SNX29: variants seen among roughly 807,000 people sequenced by gnomAD.
SNX29 encodes sorting nexin-29.
In SNX29, 78 loss-of-function variants were observed where a neutral mutation model predicts 102.1. The ratio of observed to expected loss-of-function variants is 0.76; its 90% CI spans 0.64 to 0.92. The LOEUF is 0.92. Among genes scored for constraint, SNX29 ranks in the 40% least tolerant of loss-of-function variants. The probability of loss-of-function intolerance (pLI) is 0.00; values close to 1 mark genes in which losing one functional copy is unlikely to be tolerated. For missense variants in SNX29, 1,280 were observed against 1,061.7 expected (o/e 1.21, Z -2.86); for synonymous variants, 580 against 414.5 (o/e 1.40, Z -4.85).
intron 18 of SNX29, among the ~76,000 whole-genome samples, chr16:12,415,413 G>T (rs1391363093): frequency 6.6e-6 from 1 of 152,240 alleles, no homozygotes; most frequent in African/African-American, 2.4e-5. Context: ...CAGCATTTCT[G>T]ATGTATTTGG....
chr16:12,125,605 CTTTTTTTTTTTTTTTTTT>C (rs36212472), intron 11 of SNX29, among the ~76,000 whole-genome samples: 1,726 of 45,364 alleles, frequency 0.038, 44 homozygotes, highest in Non-Finnish European at 0.053. Context: ...TGAGATCTCT[CTTTTTTTTTTTTTTTTTT>C]TTTTTTTTTT....
chr16:12,023,304 A>C (rs888622641), intron 3 of SNX29, among the ~76,000 whole-genome samples: 5 of 151,866 alleles, frequency 3.3e-5, no homozygotes, highest in South Asian at 2.1e-4. Flanking sequence ...TGGTGTGATA[A>C]AATGGCAAGG....
intron 15 of SNX29, among the ~76,000 whole-genome samples, chr16:12,320,704 CAGTTT>C (rs1157181160): frequency 6.6e-6 from 1 of 152,118 alleles, no homozygotes; most frequent in Non-Finnish European, 1.5e-5. Context: ...TCAGGGAACT[CAGTTT>C]AGATAAATGA....
chr16:12,563,930 A>AC (rs1567212306), intron 20 of SNX29, among the ~76,000 whole-genome samples: 9 of 152,168 alleles, frequency 5.9e-5, no homozygotes, highest in African/African-American at 1.9e-4. Context: ...TACAATACCT[A>AC]GACGCTGATC....
Position 12,574,146 on chromosome 16 carries a change from C to A in SNX29, c.*5517C>A. ...AGGTTTACATAATAGGATTTTTAAA[C>A]AAATGTGTTTAATTTTTTAAGATCT... On this transcript the variant is annotated 3_prime_UTR_variant, in exon 21 of 21. Transcript: ENST00000566228. 5.5e-6 allele frequency: 1 copy of A among 182,392 alleles called. No homozygotes were observed. The highest frequency in any genetic ancestry group is 1.2e-5 in the Non-Finnish European group (1 of 85,610). 11.3% of individuals were successfully genotyped at this position (182,392 alleles called of 1,614,324 possible).
At chr16:12,239,723 G>A (rs1482363639) in intron 14 of SNX29, among the ~76,000 whole-genome samples, 1 of 151,356 alleles carries the variant, frequency 6.6e-6, no homozygotes, top group Non-Finnish European at 1.5e-5. Context: ...GGGAGGCTGA[G>A]GCAGGAGGAT....
intron 20 of SNX29, among the ~76,000 whole-genome samples, chr16:12,526,190 C>G (rs896238622): frequency 6.6e-6 from 1 of 152,128 alleles, no homozygotes; most frequent in Non-Finnish European, 1.5e-5. Context: ...AGTTTCCTGT[C>G]ACTGTAGCTG....
intron 19 of SNX29, among the ~76,000 whole-genome samples, chr16:12,483,475 G>A (rs866769965): frequency 2.6e-5 from 4 of 151,540 alleles, no homozygotes; most frequent in Non-Finnish European, 4.4e-5. Context: ...GTGCCACCAC[G>A]CCTGGTAATT....
At position 12,327,900 on chromosome 16, in the gene SNX29, A is replaced by G. The variant is rs554428228; in HGVS notation, c.1783-28263A>G. 1.7e-4 allele frequency among the ~76,000 whole-genome samples: 26 copies of G among 152,244 alleles called. No individual in the cohort carries two copies. The East Asian group carries it at 1.7e-3, about 10-fold the overall frequency. On this transcript the variant is annotated intron_variant, in intron 15 of 20. Coordinates refer to ENST00000566228, the MANE Select transcript of SNX29 (RefSeq NM_032167.5). ...CCAGGTGGACAGGGCCCTTCCTGCC[A>G]CCATCCTGCTCATGGCACCGTCCTG...
At chr16:12,247,278 G>A (rs772197055) in intron 14 of SNX29, among the ~76,000 whole-genome samples, 40 of 152,254 alleles carry the variant, frequency 2.6e-4, no homozygotes, top group South Asian at 4.1e-4. Flanking sequence ...AGTTCAAAGG[G>A]TATGGGAGAT....
At chr16:12,416,267 C>T (rs533141645) in intron 18 of SNX29, among the ~76,000 whole-genome samples, 3 of 152,222 alleles carry the variant, frequency 2.0e-5, no homozygotes, top group African/African-American at 2.4e-5. Flanking sequence ...CAAGCAGAGC[C>T]CCGGGGCTTG....
At chr16:12,519,418 C>G (rs1237997030) in intron 19 of SNX29, among the ~76,000 whole-genome samples, 2 of 152,172 alleles carry the variant, frequency 1.3e-5, no homozygotes, top group African/African-American at 2.4e-5. Context: ...TTTGAAAACT[C>G]AAACGTTTAA....
chr16:12,505,763 CA>C (rs61113263), intron 19 of SNX29, among the ~76,000 whole-genome samples: 11 of 75,862 alleles, frequency 1.5e-4, no homozygotes, highest in South Asian at 1.1e-3. Context: ...GTCAATTCTG[CA>C]AAAAAAAAAA....
intron 16 of SNX29, among the ~76,000 whole-genome samples, chr16:12,381,401 T>C (rs2083143999): frequency 1.9e-5 from 1 of 51,518 alleles, no homozygotes; most frequent in Non-Finnish European, 3.5e-5. Flanking sequence ...TCATCATCCA[T>C]CCACTCACCC....
At chr16:12,345,523 C>G (rs1257045563) in intron 15 of SNX29, among the ~76,000 whole-genome samples, 1 of 152,178 alleles carries the variant, frequency 6.6e-6, no homozygotes, top group Non-Finnish European at 1.5e-5. Context: ...TGGAGCACTT[C>G]CTTTTATTGC....
chr16:12,322,926 A>G (rs2080992296), intron 15 of SNX29, among the ~76,000 whole-genome samples: 1 of 137,362 alleles, frequency 7.3e-6, no homozygotes, highest in Non-Finnish European at 1.5e-5. Context: ...GTCACCGGGG[A>G]CCACTGTCAG....
intron 18 of SNX29, among the ~76,000 whole-genome samples, chr16:12,458,949 C>T (rs2086652633): frequency 6.6e-6 from 1 of 152,160 alleles, no homozygotes; most frequent in Non-Finnish European, 1.5e-5. Context: ...CAATTTTTTG[C>T]CTTATATAAG....
chr16:12,497,148 T>A (rs1488141715), intron 19 of SNX29, among the ~76,000 whole-genome samples: 1 of 152,218 alleles, frequency 6.6e-6, no homozygotes, highest in Non-Finnish European at 1.5e-5. Context: ...ACAAGGGCTC[T>A]GGGGAGGACA....
intron 20 of SNX29, among the ~76,000 whole-genome samples, chr16:12,540,815 G>C (rs1352736938): frequency 2.0e-5 from 3 of 152,200 alleles, no homozygotes; most frequent in Non-Finnish European, 4.4e-5. Flanking sequence ...AGGCATGAGA[G>C]AAGGGGCAAA....
Sources: allele counts gnomAD v4.1 joint callset (sites outside exome capture counted in the v4.1 genomes callset), GRCh38; gene constraint gnomAD v4.1.1; transcripts MANE v1.5; gene names NCBI Gene and HGNC (gene_info 2026-07-23, HGNC 2026-07-21).